The following ERI1 variants were observed in gnomAD, a reference collection of about 807,000 sequenced individuals.
ERI1 encodes the protein exoribonuclease 1.
A neutral mutation model predicts 39.7 loss-of-function variants in ERI1; 39 were observed. The ratio of observed to expected loss-of-function variants is 0.98; its 90% CI spans 0.76 to 1.28. The LOEUF (loss-of-function observed/expected upper bound fraction) is 1.28. Ranked by LOEUF, ERI1 falls within the 50% of genes most tolerant of loss-of-function variation. The pLI is 0.00. For missense variants in ERI1, 581 were observed against 416.9 expected, an observed-to-expected ratio of 1.39 and a Z score of -3.43; for synonymous variants, 204 against 149.6, an observed-to-expected ratio of 1.36 and a Z score of -2.65.
Position 9,003,088 on chromosome 8 carries a change from C to A in ERI1, c.25C>A (p.Pro9Thr), listed in dbSNP as rs931008390. The change falls in exon 1 of 7, where the codon CCT becomes ACT. Residue 9 changes from proline (P) to threonine (T), a missense_variant. Pro to Thr is a conservative substitution (Grantham distance 38, BLOSUM62 -1). Transcript: ENST00000250263. ...CATGGAGGATCCACAGAGTAAAGAG[C>A]CTGCCGGCGAGGCCGTGGCTCTCGC... MEDPQSKE[P>T]AGEAVALALL... 2.4e-6 allele frequency: 3 copies of A among 1,248,110 alleles called. No individual in the cohort carries two copies. The highest frequency in any genetic ancestry group is 1.6e-5 in the African/African-American group (1 of 64,488). The allele number at this position is 1,248,110 out of a possible 1,614,324, so 77.3% of individuals were successfully genotyped here. A position where few individuals can be genotyped will look rare whatever the true frequency, so the allele number is the denominator to read the frequency against.
chr8:9,037,326 A>G (rs1797884385), downstream of ERI1, among the ~76,000 whole-genome samples: 1 of 152,140 alleles, frequency 6.6e-6, no homozygotes, highest in Non-Finnish European at 1.5e-5. Flanking sequence ...AAGTTAGCCC[A>G]TCAGTCTTAT....
intron 2 of ERI1, among the ~76,000 whole-genome samples, chr8:9,009,925 G>A (rs1305471431): frequency 5.3e-5 from 8 of 152,212 alleles, no homozygotes; most frequent in African/African-American, 1.9e-4. Context: ...TAGCCAAGTT[G>A]TGAAGGAACT....
At chr8:9,075,794 A>T (rs887609243) in intron 3 of ERI1, among the ~76,000 whole-genome samples, 6 of 152,136 alleles carry the variant, frequency 3.9e-5, no homozygotes, top group African/African-American at 1.4e-4. Flanking sequence ...AAATAATCTT[A>T]AAAAATTTTT....
chr8:9,049,485 A>C (rs1464792569), intron 3 of ERI1, among the ~76,000 whole-genome samples: 1 of 151,610 alleles, frequency 6.6e-6, no homozygotes, highest in Non-Finnish European at 1.5e-5. Flanking sequence ...TCCTGCAACT[A>C]GACCTTTGGA....
chr8:9,083,552 C>G (rs890858142), intron 3 of ERI1, among the ~76,000 whole-genome samples: 1 of 151,556 alleles, frequency 6.6e-6, no homozygotes, highest in Non-Finnish European at 1.5e-5. Context: ...ATCATCAACT[C>G]ATAATCAATA....
intron 3 of ERI1, among the ~76,000 whole-genome samples, chr8:9,094,297 A>C (rs1799803433): frequency 6.6e-6 from 1 of 152,202 alleles, no homozygotes; most frequent in Admixed American, 6.5e-5. Context: ...GAGTCTCCTC[A>C]AGGGGCAGAG....
At chr8:9,099,800 C>T (rs1038916834) in intron 3 of ERI1, 10 of 152,006 alleles carry the variant, frequency 6.6e-5, no homozygotes, top group Non-Finnish European at 8.8e-5. Flanking sequence ...CGAATAATGC[C>T]GCAGTCTTTG....
chr8:9,009,699 C>T (rs565802686), intron 2 of ERI1, among the ~76,000 whole-genome samples: 4 of 152,244 alleles, frequency 2.6e-5, no homozygotes, highest in East Asian at 1.9e-4. Flanking sequence ...ACCACCATGC[C>T]TGGCTAATTT....
At chr8:9,059,169 A>G (rs994795906) in intron 3 of ERI1, among the ~76,000 whole-genome samples, 2 of 152,080 alleles carry the variant, frequency 1.3e-5, no homozygotes, top group Admixed American at 6.5e-5. Context: ...TTCACAAGAC[A>G]ATGTCATCAG....
downstream of ERI1, among the ~76,000 whole-genome samples, chr8:9,036,004 AGAAGT>A (rs1314443208): frequency 1.3e-5 from 2 of 152,240 alleles, no homozygotes; most frequent in Non-Finnish European, 2.9e-5. Context: ...CAAGAGAACT[AGAAGT>A]GAAGATGTGA....
Position 9,007,401 on chromosome 8 carries a change from G to A in ERI1, c.109-569G>A, listed in dbSNP as rs141083435. On this transcript the variant is annotated intron_variant, in intron 1 of 6. Coordinates refer to ENST00000250263, the MANE Select transcript of ERI1 (RefSeq NM_153332.4). The stretch of plus-strand genomic sequence containing the variant: ...TCAGAAGTTATTACACATGTATAAT[G>A]TAAAAGTTCATTTAAAAATGGGTTC... Among the ~76,000 whole-genome samples, 372 of 152,292 alleles carry A rather than the reference G, an allele frequency of 2.4e-3. 4 individuals carry two copies. The highest frequency in any genetic ancestry group is 8.3e-3 in the African/African-American group (347 of 41,576).
At chr8:9,008,259 T>C (rs1816257919) in intron 2 of ERI1, 111 bp downstream of exon 2, 1 of 960,816 alleles carries the variant, frequency 1.0e-6, no homozygotes, top group African/African-American at 1.7e-5. Context: ...AATGACATGA[T>C]CCTATTAACA....
At chr8:9,025,040 T>C (rs1354487157) in intron 6 of ERI1, among the ~76,000 whole-genome samples, 1 of 152,150 alleles carries the variant, frequency 6.6e-6, no homozygotes, top group Non-Finnish European at 1.5e-5. Flanking sequence ...ATCCACAACT[T>C]TTCTGGGGGT....
chr8:9,073,412 T>A (rs2117432618), intron 3 of ERI1, among the ~76,000 whole-genome samples: 2 of 152,210 alleles, frequency 1.3e-5, no homozygotes, highest in African/African-American at 4.8e-5. Context: ...GAAGATACAG[T>A]TGGGGGTGTC....
intron 6 of ERI1, 46 bp downstream of exon 6, chr8:9,020,510 T>A (rs1817769572): frequency 2.4e-6 from 3 of 1,225,294 alleles, no homozygotes; most frequent in East Asian, 5.1e-5. Context: ...AATGATAAAT[T>A]TGTTAAAATT....
intron 3 of ERI1, among the ~76,000 whole-genome samples, chr8:9,050,734 C>T (rs554240201): frequency 4.6e-5 from 7 of 152,228 alleles, no homozygotes; most frequent in African/African-American, 1.2e-4. Flanking sequence ...GCCTGGATTC[C>T]GGTCTCAGCT....
downstream of ERI1, among the ~76,000 whole-genome samples, chr8:9,034,426 C>G (rs892976034): frequency 9.9e-5 from 15 of 152,132 alleles, no homozygotes; most frequent in Non-Finnish European, 1.9e-4. Context: ...ATGTCATTTT[C>G]CCAACAGCAT....
chr8:9,036,895 A>G (rs752889441), downstream of ERI1, among the ~76,000 whole-genome samples: 13 of 152,156 alleles, frequency 8.5e-5, no homozygotes, highest in Non-Finnish European at 1.5e-4. Context: ...TATTTTTGTC[A>G]GTGGGACCAT....
chr8:9,025,342 C>A (rs988224957), intron 6 of ERI1, among the ~76,000 whole-genome samples: 1 of 152,164 alleles, frequency 6.6e-6, no homozygotes, highest in Non-Finnish European at 1.5e-5. Context: ...TACTCCGTTA[C>A]CTTTGAAATG....
Sources: gnomAD v4.1 joint callset for allele counts (sites outside exome capture counted in the v4.1 genomes callset) on GRCh38, gnomAD v4.1.1 for gene constraint, MANE v1.5 for transcripts, NCBI Gene and HGNC (gene_info 2026-07-23, HGNC 2026-07-21) for gene names.